Variants in ADAM22 observed in about 807,000 individuals in gnomAD.
The protein encoded by ADAM22 is disintegrin and metalloproteinase domain-containing protein 22.
ADAM22 carries 65 observed loss-of-function variants against 144.6 expected under a neutral mutation model. The ratio of observed to expected loss-of-function variants is 0.45; its 90% CI spans 0.37 to 0.55. ADAM22 has a LOEUF of 0.55. ADAM22 is among the 20% of genes least tolerant of loss of function. The probability of loss-of-function intolerance (pLI) is 0.00; values close to 1 mark genes in which losing one functional copy is unlikely to be tolerated. For synonymous variants in ADAM22, 391 were observed against 412.6 expected, an observed-to-expected ratio of 0.95 and a Z score of 0.63; for missense variants, 974 against 1,184.9, an observed-to-expected ratio of 0.82 and a Z score of 2.61.
chr7:88,076,806 G>A (rs1447509333), intron 4 of ADAM22, among the ~76,000 whole-genome samples: 1 of 152,132 alleles, frequency 6.6e-6, no homozygotes, highest in Non-Finnish European at 1.5e-5. Flanking sequence ...TTGGCCAAGT[G>A]TTTATTTTCT....
intron 5 of ADAM22, among the ~76,000 whole-genome samples, chr7:88,109,203 G>T (rs1171438402): frequency 6.6e-6 from 1 of 152,104 alleles, no homozygotes; most frequent in Non-Finnish European, 1.5e-5. Flanking sequence ...CTGTGGGAGG[G>T]TCTGTCGTTT....
At chr7:87,942,042 G>A (rs562387155) in intron 2 of ADAM22, among the ~76,000 whole-genome samples, 4 of 152,098 alleles carry the variant, frequency 2.6e-5, no homozygotes, top group Non-Finnish European at 4.4e-5. Flanking sequence ...AACTCCAGTG[G>A]GGCTAATTAG....
intron 17 of ADAM22, among the ~76,000 whole-genome samples, chr7:88,146,304 C>T (rs951374047): frequency 1.3e-5 from 2 of 152,166 alleles, no homozygotes; most frequent in Non-Finnish European, 2.9e-5. Flanking sequence ...TATGCACTCT[C>T]TTAGTGATAA....
chr7:87,934,938 G>A (rs772469069), intron 1 of ADAM22, 88 bp from the exon 2 acceptor site: 5 of 1,568,542 alleles, frequency 3.2e-6, no homozygotes, highest in Non-Finnish European at 4.4e-6. Context: ...TAGGGGAGAC[G>A]TAGGACTGCA....
At chr7:88,080,594 C>A (rs1292369723) in intron 4 of ADAM22, among the ~76,000 whole-genome samples, 2 of 151,884 alleles carry the variant, frequency 1.3e-5, no homozygotes, top group African/African-American at 4.8e-5. Flanking sequence ...AATTGATAGA[C>A]CGTTAGCAAG....
intron 8 of ADAM22, among the ~76,000 whole-genome samples, chr7:88,125,925 G>A (rs907031257): frequency 6.6e-6 from 1 of 151,920 alleles, no homozygotes; most frequent in Non-Finnish European, 1.5e-5. Context: ...GGCACCTTGG[G>A]TTCTTTCTAC....
At chr7:88,005,202 A>G (rs1278331190) in intron 3 of ADAM22, among the ~76,000 whole-genome samples, 2 of 152,168 alleles carry the variant, frequency 1.3e-5, no homozygotes, top group East Asian at 1.9e-4. Context: ...AAATTTGTGT[A>G]TTATAGGGAT....
At chr7:88,157,725 G>C (rs765321901) in intron 22 of ADAM22, among the ~76,000 whole-genome samples, 1 of 152,070 alleles carries the variant, frequency 6.6e-6, no homozygotes, top group Non-Finnish European at 1.5e-5. Context: ...AGAAACTCCA[G>C]GAGACCTTCA....
At chr7:88,068,049 G>T (rs562146917) in intron 3 of ADAM22, among the ~76,000 whole-genome samples, 1 of 152,248 alleles carries the variant, frequency 6.6e-6, no homozygotes, top group South Asian at 2.1e-4. Context: ...TGAGGGTATA[G>T]ATAACAGTTT....
At chr7:88,053,591 G>GGAAGGAAGGAAAGAAA (rs1382547887) in intron 3 of ADAM22, among the ~76,000 whole-genome samples, 14 of 113,400 alleles carry the variant, frequency 1.2e-4, no homozygotes, top group African/African-American at 4.6e-4. Context: ...AAGGAAGGAA[G>GGAAGGAAGGAAAGAAA]GAAAGAAAGA....
intron 3 of ADAM22, among the ~76,000 whole-genome samples, chr7:87,989,824 G>A (rs1033743607): frequency 2.0e-5 from 3 of 152,116 alleles, no homozygotes; most frequent in Non-Finnish European, 4.4e-5. Flanking sequence ...GTTGAGGCAG[G>A]AGAATCGCTT....
intron 3 of ADAM22, among the ~76,000 whole-genome samples, chr7:88,043,286 C>A (rs544490982): frequency 3.0e-4 from 46 of 152,012 alleles, no homozygotes; most frequent in African/African-American, 1.1e-3. Context: ...GAGATCGAGA[C>A]CATCCTGGCT....
chr7:88,053,685 A>G (rs1004035504), intron 3 of ADAM22, among the ~76,000 whole-genome samples: 1 of 152,266 alleles, frequency 6.6e-6, no homozygotes, highest in South Asian at 2.1e-4. Context: ...TTAGCAAAAT[A>G]TCTTAGAGCT....
intron 17 of ADAM22, among the ~76,000 whole-genome samples, chr7:88,148,382 T>C (rs1226786979): frequency 6.6e-6 from 1 of 152,040 alleles, no homozygotes; most frequent in Admixed American, 6.6e-5. Context: ...TTTGTATAAC[T>C]CTCACACTTG....
In ADAM22 at chr7:87,973,107, A is replaced by G. The variant is rs147224496; in HGVS notation, c.247-5229A>G. On this transcript the variant is annotated intron_variant, in intron 2 of 31. Transcript: ENST00000413139. ...TTGACAAATCGGATCTAATTAAGCT[A>G]AAGAGCTTCTGCACAGCAAAAGAAA... Among the ~76,000 whole-genome samples the G allele has an allele frequency of 5.8e-3, 880 of 152,342 alleles. 13 individuals carry two copies. Among genetic ancestry groups the G allele is most frequent in the East Asian group, 0.046 (239 of 5,190 alleles).
At chr7:87,980,287 CT>C (rs71120015) in intron 3 of ADAM22, among the ~76,000 whole-genome samples, 62 of 118,362 alleles carry the variant, frequency 5.2e-4, no homozygotes, top group Admixed American at 5.7e-4. Flanking sequence ...GCACTGTGCT[CT>C]TTTTTTTTTT....
At chr7:88,189,404 G>A (rs994169605) in intron 30 of ADAM22, among the ~76,000 whole-genome samples, 1 of 152,178 alleles carries the variant, frequency 6.6e-6, no homozygotes, top group African/African-American at 2.4e-5. Flanking sequence ...CAACTATCAT[G>A]TATCCAGTGC....
intron 2 of ADAM22, among the ~76,000 whole-genome samples, chr7:87,973,026 G>T (rs1185432568): frequency 6.6e-6 from 1 of 152,236 alleles, no homozygotes; most frequent in African/African-American, 2.4e-5. Flanking sequence ...TCAGGACATA[G>T]GCACGGGCAG....
intron 3 of ADAM22, among the ~76,000 whole-genome samples, chr7:88,018,043 T>C (rs1796943625): frequency 6.6e-6 from 1 of 152,182 alleles, no homozygotes; most frequent in Admixed American, 6.5e-5. Flanking sequence ...CCTCTCTTGT[T>C]TCAGGTCTAA....
Sources: allele counts gnomAD v4.1 joint callset (sites outside exome capture counted in the v4.1 genomes callset), GRCh38; gene constraint gnomAD v4.1.1; transcripts MANE v1.5; gene names NCBI Gene and HGNC (gene_info 2026-07-23, HGNC 2026-07-21).